LMCD1: variants seen among roughly 807,000 people sequenced by gnomAD.
LMCD1 encodes LIM and cysteine-rich domains protein 1.
Under a neutral mutation model 42.7 loss-of-function variants are expected in LMCD1, and 32 were observed. That is an observed-to-expected ratio of 0.75 (90% CI 0.57 to 1.01). The LOEUF (loss-of-function observed/expected upper bound fraction) is 1.01, where lower values mean the gene tolerates loss of function less well. Ranked by LOEUF, LMCD1 falls within the 50% of genes least tolerant of loss-of-function variation. The probability of loss-of-function intolerance (pLI) is 0.00; values close to 1 mark genes in which losing one functional copy is unlikely to be tolerated. For synonymous variants in LMCD1, 178 were observed against 184.9 expected (o/e 0.96, Z 0.30); for missense variants, 458 against 483.1 (o/e 0.95, Z 0.49).
chr3:8,549,175 G>C (rs2125032460), intron 4 of LMCD1, among the ~76,000 whole-genome samples: 1 of 152,274 alleles, frequency 6.6e-6, no homozygotes, highest in East Asian at 1.9e-4. Flanking sequence ...CTGCTTGGTG[G>C]TGAGGGTAAG....
At chr3:8,548,940 A>T (rs772165166) in intron 4 of LMCD1, 37 bp downstream of exon 4, 3 of 1,439,034 alleles carry the variant, frequency 2.1e-6, no homozygotes, top group Non-Finnish European at 2.8e-6. Context: ...GGCTGAAACC[A>T]TGCAGGCCCA....
chr3:8,530,273 G>C (rs1391636362), intron 1 of LMCD1, among the ~76,000 whole-genome samples: 2 of 152,208 alleles, frequency 1.3e-5, no homozygotes, highest in African/African-American at 4.8e-5. Flanking sequence ...GTGCAAGCCA[G>C]TTCCTTATTT....
At chr3:8,534,786 CT>C (rs1559350542) in intron 2 of LMCD1, among the ~76,000 whole-genome samples, 2 of 152,092 alleles carry the variant, frequency 1.3e-5, no homozygotes, top group African/African-American at 4.8e-5. Flanking sequence ...CCTGTGTCCT[CT>C]ATAATCTGGG....
chr3:8,544,590 C>G (rs1020425455), intron 3 of LMCD1, among the ~76,000 whole-genome samples: 7 of 152,134 alleles, frequency 4.6e-5, no homozygotes, highest in African/African-American at 1.7e-4. Flanking sequence ...CTATGAATCC[C>G]AGCAGGTACC....
At chr3:8,503,713 T>C (rs570537170) in intron 1 of LMCD1, among the ~76,000 whole-genome samples, 1 of 152,342 alleles carries the variant, frequency 6.6e-6, no homozygotes, top group South Asian at 2.1e-4. Flanking sequence ...GCATTATTTT[T>C]TAACTTGTAG....
At chr3:8,506,530 G>T (rs996918015) in intron 1 of LMCD1, among the ~76,000 whole-genome samples, 4 of 152,178 alleles carry the variant, frequency 2.6e-5, no homozygotes, top group African/African-American at 9.7e-5. Flanking sequence ...TAAGGGAATA[G>T]TTCCTCTCGC....
chr3:8,511,988 A>G (rs905788347), intron 1 of LMCD1, among the ~76,000 whole-genome samples: 5 of 152,206 alleles, frequency 3.3e-5, no homozygotes, highest in Admixed American at 3.3e-4. Flanking sequence ...AGCCAAAAAT[A>G]TGCAATATAT....
intron 4 of LMCD1, among the ~76,000 whole-genome samples, chr3:8,551,592 A>C (rs1694838985): frequency 6.6e-6 from 1 of 152,344 alleles, no homozygotes; most frequent in Admixed American, 6.5e-5. Flanking sequence ...TATTTGTTCC[A>C]GGCAGGAAGA....
intron 1 of LMCD1, among the ~76,000 whole-genome samples, chr3:8,502,303 TAA>T (rs1491213012): frequency 1.8e-4 from 4 of 22,648 alleles, no homozygotes; most frequent in African/African-American, 2.7e-4. Context: ...ATATTATATA[TAA>T]TATATAAAAT....
chr3:8,514,641 C>A (rs1694065914), intron 1 of LMCD1, among the ~76,000 whole-genome samples: 1 of 152,006 alleles, frequency 6.6e-6, no homozygotes, highest in African/African-American at 2.4e-5. Flanking sequence ...ATGAATAAAC[C>A]AATCATTTTA....
In LMCD1 at chr3:8,548,635, A is replaced by T; in HGVS notation, c.455A>T (p.Tyr152Phe). 1 of 1,614,106 alleles carries T rather than the reference A, an allele frequency of 6.2e-7. No individual in the cohort carries two copies. Among genetic ancestry groups the T allele is most frequent in the African/African-American group, 1.3e-5 (1 of 75,028 alleles). Residue 152 changes from tyrosine (Y) to phenylalanine (F), a missense_variant, in exon 4 of 6, where the codon TAC becomes TTC. Tyr to Phe is a conservative substitution (Grantham distance 22, BLOSUM62 3). Coordinates refer to ENST00000157600, the MANE Select transcript of LMCD1 (RefSeq NM_014583.4). ...QPVTGTEGAF[Y>F]RRRQLMHQLP... is the part of the protein sequence containing the mutation. Reference sequence around the variant, plus strand: ...GTGACAGGCACAGAGGGTGCCTTTTACCGCCGCCGCCAGCTCATGCACCAG... The same window carrying T: ...GTGACAGGCACAGAGGGTGCCTTTTTCCGCCGCCGCCAGCTCATGCACCAG...
chr3:8,509,104 AG>A (rs1388161559), intron 1 of LMCD1, among the ~76,000 whole-genome samples: 1 of 152,208 alleles, frequency 6.6e-6, no homozygotes, highest in African/African-American at 2.4e-5. Flanking sequence ...AATGAGGTAA[AG>A]TGCATAAAGT....
At chr3:8,521,426 G>A (rs972877109) in intron 1 of LMCD1, among the ~76,000 whole-genome samples, 1 of 152,186 alleles carries the variant, frequency 6.6e-6, no homozygotes, top group Non-Finnish European at 1.5e-5. Context: ...CCCTTTGACA[G>A]ATAAAAGAGA....
intron 1 of LMCD1, among the ~76,000 whole-genome samples, chr3:8,511,076 C>G (rs60098042): frequency 1.3e-5 from 2 of 152,154 alleles, no homozygotes; most frequent in Non-Finnish European, 2.9e-5. Context: ...CCTATTACCT[C>G]GAACAAGTCA....
At chr3:8,543,767 A>C (rs753864529) in intron 3 of LMCD1, among the ~76,000 whole-genome samples, 7 of 152,196 alleles carry the variant, frequency 4.6e-5, no homozygotes, top group Non-Finnish European at 8.8e-5. Context: ...CTCCTGGCTT[A>C]AAGTGCTCAT....
intron 2 of LMCD1, among the ~76,000 whole-genome samples, chr3:8,536,066 C>T (rs896500076): frequency 1.3e-5 from 2 of 152,184 alleles, no homozygotes; most frequent in Admixed American, 6.5e-5. Context: ...CCACAATCAA[C>T]GTTTGTGATA....
At chr3:8,529,725 G>A (rs1366729801) in intron 1 of LMCD1, among the ~76,000 whole-genome samples, 1 of 152,142 alleles carries the variant, frequency 6.6e-6, no homozygotes, top group Admixed American at 6.5e-5. Context: ...AAAGTATAGG[G>A]GGTGTGTATT....
At chr3:8,552,764 C>G (rs1694864179) in intron 4 of LMCD1, among the ~76,000 whole-genome samples, 1 of 152,182 alleles carries the variant, frequency 6.6e-6, no homozygotes, top group Non-Finnish European at 1.5e-5. Context: ...CACTCTGTCG[C>G]CCGGGCTGGA....
intron 3 of LMCD1, among the ~76,000 whole-genome samples, chr3:8,547,536 G>A (rs1694759228): frequency 6.6e-6 from 1 of 152,170 alleles, no homozygotes; most frequent in Non-Finnish European, 1.5e-5. Flanking sequence ...ACCACTTAAT[G>A]CTGGGGTTTC....
Sources: allele counts gnomAD v4.1 joint callset (sites outside exome capture counted in the v4.1 genomes callset), GRCh38; gene constraint gnomAD v4.1.1; transcripts MANE v1.5; gene names NCBI Gene and HGNC (gene_info 2026-07-23, HGNC 2026-07-21).